B3GALT1: variants seen among roughly 807,000 people sequenced by gnomAD.
The protein encoded by B3GALT1 is UDP-Gal:betaGlcNAc beta 1,3-galactosyltransferase, polypeptide 1.
Under a neutral mutation model 23.2 loss-of-function variants are expected in B3GALT1, and 10 were observed. The observed-to-expected ratio is 0.43, with a 90% CI of 0.27 to 0.73. The LOEUF is 0.73. B3GALT1 is among the 30% of genes least tolerant of loss of function. The pLI is 0.21. For synonymous variants in B3GALT1, 156 were observed against 141.5 expected (o/e 1.10, Z -0.73); for missense variants, 299 against 405.4 (o/e 0.74, Z 2.25).
chr2:167,663,708 C>A (rs1686115871), intron 3 of B3GALT1, among the ~76,000 whole-genome samples: 2 of 151,720 alleles, frequency 1.3e-5, no homozygotes, highest in South Asian at 4.2e-4. Flanking sequence ...TCTCTGATGG[C>A]CAGTGATGGT....
intron 2 of B3GALT1, among the ~76,000 whole-genome samples, chr2:167,588,186 A>G (rs1466741069): frequency 6.6e-6 from 1 of 152,174 alleles, no homozygotes; most frequent in East Asian, 1.9e-4. Flanking sequence ...TTTATTTCCA[A>G]CTAGGGCTTC....
At chr2:167,404,961 G>C (rs532054598) in intron 1 of B3GALT1, among the ~76,000 whole-genome samples, 19 of 152,132 alleles carry the variant, frequency 1.2e-4, no homozygotes, top group African/African-American at 3.9e-4. Flanking sequence ...TTGCTGTTAC[G>C]AGCACAGGAA....
intron 2 of B3GALT1, among the ~76,000 whole-genome samples, chr2:167,512,621 CGTGTATATATATAT>C (rs1700038208): frequency 5.3e-5 from 2 of 37,560 alleles, no homozygotes; most frequent in African/African-American, 5.0e-4. Flanking sequence ...TATATATATA[CGTGTATATATATAT>C]ACATATATAT....
chr2:167,611,831 GA>G (rs904451977), intron 2 of B3GALT1, among the ~76,000 whole-genome samples: 22 of 149,720 alleles, frequency 1.5e-4, no homozygotes, highest in Admixed American at 4.7e-4. Context: ...TTTGCCTTAT[GA>G]AAAAAAAAAT....
At chr2:167,461,032 A>G (rs1699251420) in intron 1 of B3GALT1, among the ~76,000 whole-genome samples, 1 of 152,222 alleles carries the variant, frequency 6.6e-6, no homozygotes, top group Non-Finnish European at 1.5e-5. Flanking sequence ...TTTGGAAGCC[A>G]CTTCAGCTGG....
intron 3 of B3GALT1, among the ~76,000 whole-genome samples, chr2:167,779,195 G>GT (rs1221049850): frequency 6.6e-6 from 1 of 151,948 alleles, no homozygotes; most frequent in Non-Finnish European, 1.5e-5. Flanking sequence ...ACATGTCTTG[G>GT]TTTTTTTTCT....
intron 2 of B3GALT1, among the ~76,000 whole-genome samples, chr2:167,534,399 GA>G (rs1226616894): frequency 6.6e-6 from 1 of 152,078 alleles, no homozygotes; most frequent in Non-Finnish European, 1.5e-5. Flanking sequence ...GGGAAAGAGG[GA>G]ATACAGGCAA....
intron 3 of B3GALT1, among the ~76,000 whole-genome samples, chr2:167,665,465 A>G (rs113845963): frequency 6.6e-6 from 1 of 150,780 alleles, no homozygotes; most frequent in Middle Eastern, 3.4e-3. Context: ...TATCAGGATG[A>G]TGCTGGCCTC....
rs1021175567 is a variant in B3GALT1, at chr2:167,441,483, C to T, written c.-510-48694C>T. 5.9e-5 allele frequency among the ~76,000 whole-genome samples: 9 copies of T among 152,202 alleles called. No homozygotes were observed. In the South Asian group the frequency reaches 8.3e-4, roughly 14 times the overall value. ...CTGAGAAGGCTCATTTTTTGGCAAT[C>T]CTGTTTTTATACTGTTGTGAGTTCT... On this transcript the variant is annotated intron_variant, in intron 1 of 4. Coordinates refer to ENST00000392690, the MANE Select transcript of B3GALT1 (RefSeq NM_020981.4).
At chr2:167,545,776 A>G (rs1302893104) in intron 2 of B3GALT1, among the ~76,000 whole-genome samples, 1 of 152,228 alleles carries the variant, frequency 6.6e-6, no homozygotes, top group East Asian at 1.9e-4. Context: ...AAAAAGTTCT[A>G]TACTTAAAAT....
At chr2:167,598,895 C>T (rs1392601935) in intron 2 of B3GALT1, among the ~76,000 whole-genome samples, 1 of 152,188 alleles carries the variant, frequency 6.6e-6, no homozygotes, top group Non-Finnish European at 1.5e-5. Context: ...TAGAAAAGGA[C>T]ATTCTATTAT....
intron 1 of B3GALT1, among the ~76,000 whole-genome samples, chr2:167,351,752 T>G (rs560106946): frequency 1.1e-4 from 17 of 152,310 alleles, no homozygotes; most frequent in African/African-American, 4.1e-4. Flanking sequence ...TCTTTCTCTC[T>G]TACTTTTCGT....
intron 2 of B3GALT1, among the ~76,000 whole-genome samples, chr2:167,522,025 T>C (rs1348035537): frequency 6.8e-6 from 1 of 147,408 alleles, no homozygotes; most frequent in African/African-American, 2.5e-5. Context: ...TATATAATTA[T>C]ATATATGTAT....
chr2:167,870,131 G>C lies in B3GALT1; in HGVS notation c.*111G>C, dbSNP rs1244084995. ...TGAACTGGTGAAGGGGTTTTGTAAA[G>C]TTTTTGCTTCCTGCTATAAGTTCTT... On this transcript the variant is annotated 3_prime_UTR_variant, in exon 5 of 5. Transcript: ENST00000392690. 2 of 1,188,376 alleles carry C rather than the reference G, an allele frequency of 1.7e-6. No homozygotes were observed. The highest frequency in any genetic ancestry group is 2.9e-5 in the Admixed American group (1 of 34,272). The allele number at this position is 1,188,376 out of a possible 1,614,324, so 73.6% of individuals were successfully genotyped here.
At chr2:167,398,854 G>T (rs80326763) in intron 1 of B3GALT1, among the ~76,000 whole-genome samples, 15,410 of 152,106 alleles carry the variant, frequency 0.1, 935 homozygotes, top group African/African-American at 0.18. Context: ...CAACCTGCCA[G>T]TGTCCTATAG....
intron 3 of B3GALT1, among the ~76,000 whole-genome samples, chr2:167,676,386 G>A (rs944497755): frequency 5.9e-5 from 9 of 151,968 alleles, no homozygotes; most frequent in South Asian, 2.1e-4. Context: ...AAGTGAATAC[G>A]TAAAGGCTTT....
chr2:167,456,236 G>T (rs2105322911), intron 1 of B3GALT1, among the ~76,000 whole-genome samples: 1 of 152,268 alleles, frequency 6.6e-6, no homozygotes, highest in African/African-American at 2.4e-5. Context: ...GGGAGTGAGA[G>T]AGAGAGGTAG....
chr2:167,356,266 A>G (rs1376151699), intron 1 of B3GALT1, among the ~76,000 whole-genome samples: 2 of 152,196 alleles, frequency 1.3e-5, no homozygotes, highest in Non-Finnish European at 2.9e-5. Flanking sequence ...TATACTAACT[A>G]CACCAAGTAA....
intron 1 of B3GALT1, among the ~76,000 whole-genome samples, chr2:167,394,651 A>T (rs1240511352): frequency 6.6e-6 from 1 of 151,858 alleles, no homozygotes; most frequent in Admixed American, 6.6e-5. Context: ...TAACTAAGCG[A>T]TAGGCAAAAT....
Sources: gnomAD v4.1 joint callset for allele counts (sites outside exome capture counted in the v4.1 genomes callset) on GRCh38, gnomAD v4.1.1 for gene constraint, MANE v1.5 for transcripts, NCBI Gene and HGNC (gene_info 2026-07-23, HGNC 2026-07-21) for gene names.